PCDH9: variants seen among roughly 807,000 people sequenced by gnomAD.
The protein encoded by PCDH9 is protocadherin 9, also known as protocadherin-9.
In PCDH9, 24 loss-of-function variants were observed where a neutral mutation model predicts 70.6. That is an observed-to-expected ratio of 0.34 (90% CI 0.25 to 0.48). The LOEUF (loss-of-function observed/expected upper bound fraction) is 0.48. Ranked by LOEUF, PCDH9 falls within the 20% of genes least tolerant of loss-of-function variation. PCDH9 has a pLI of 0.99. For missense variants in PCDH9, 1,281 were observed against 1,503.6 expected (o/e 0.85, Z 2.45); for synonymous variants, 562 against 558.5 (o/e 1.01, Z -0.09).
At chr13:66,934,271 T>C (rs1443568712) in intron 2 of PCDH9, among the ~76,000 whole-genome samples, 2 of 151,970 alleles carry the variant, frequency 1.3e-5, no homozygotes, top group Admixed American at 1.3e-4. Context: ...GTGACTCCCA[T>C]CTGTAATCCC....
intron 4 of PCDH9, among the ~76,000 whole-genome samples, chr13:66,394,332 A>G (rs1322983098): frequency 2.0e-5 from 3 of 152,200 alleles, no homozygotes; most frequent in Non-Finnish European, 4.4e-5. Flanking sequence ...AACTTCTACT[A>G]TGTTTTCCAG....
intron 4 of PCDH9, among the ~76,000 whole-genome samples, chr13:66,411,645 G>GGATAGATAGATAGATAGATA (rs57986608): frequency 1.4e-4 from 21 of 151,020 alleles, no homozygotes; most frequent in African/African-American, 4.1e-4. Context: ...TATAGATGAT[G>GGATAGATAGATAGATAGATA]GATAGATAGA....
At chr13:67,170,208 T>C (rs545926286) in intron 2 of PCDH9, among the ~76,000 whole-genome samples, 14 of 152,330 alleles carry the variant, frequency 9.2e-5, no homozygotes, top group African/African-American at 3.1e-4. Flanking sequence ...TATTTGAATG[T>C]AATGCTTCAT....
intron 3 of PCDH9, among the ~76,000 whole-genome samples, chr13:66,731,932 T>C (rs1284696736): frequency 6.6e-6 from 1 of 151,990 alleles, no homozygotes; most frequent in East Asian, 1.9e-4. Context: ...CTGTTTATTT[T>C]TTGTGGACCA....
At chr13:66,892,645 A>G (rs1385130116) in intron 3 of PCDH9, among the ~76,000 whole-genome samples, 1 of 152,120 alleles carries the variant, frequency 6.6e-6, no homozygotes, top group African/African-American at 2.4e-5. Flanking sequence ...TCCCTTAAAA[A>G]AAAGATATTT....
intron 4 of PCDH9, among the ~76,000 whole-genome samples, chr13:66,589,264 A>T (rs2077007172): frequency 6.6e-6 from 1 of 152,078 alleles, no homozygotes; most frequent in African/African-American, 2.4e-5. Flanking sequence ...GAGCTCTTCA[A>T]TTACAACGAA....
intron 4 of PCDH9, among the ~76,000 whole-genome samples, chr13:66,536,909 CAT>C: frequency 6.6e-6 from 1 of 152,186 alleles, no homozygotes; most frequent in Middle Eastern, 3.4e-3. Context: ...GCATTCAACT[CAT>C]GAGTTTCCTA....
At chr13:66,558,128 C>T (rs972857861) in intron 4 of PCDH9, among the ~76,000 whole-genome samples, 2 of 152,084 alleles carry the variant, frequency 1.3e-5, no homozygotes, top group East Asian at 1.9e-4. Context: ...GCACTCCAGC[C>T]GGAACAACAG....
chr13:66,938,970 A>G (rs1477465946), intron 2 of PCDH9, among the ~76,000 whole-genome samples: 2 of 152,136 alleles, frequency 1.3e-5, no homozygotes, highest in East Asian at 3.8e-4. Context: ...ATTTATTTGT[A>G]TTGAAATATA....
At chr13:66,913,056 C>A (rs967500788) in intron 2 of PCDH9, among the ~76,000 whole-genome samples, 1 of 151,996 alleles carries the variant, frequency 6.6e-6, no homozygotes. Context: ...GTAATAAATT[C>A]GGAGATTCAA....
intron 4 of PCDH9, among the ~76,000 whole-genome samples, chr13:66,459,898 G>A (rs141470101): frequency 6.6e-6 from 1 of 151,810 alleles, no homozygotes; most frequent in Non-Finnish European, 1.5e-5. Flanking sequence ...GGAGATGTGC[G>A]ACTGTATTTC....
chr13:67,020,728 T>C (rs1313259084), intron 2 of PCDH9, among the ~76,000 whole-genome samples: 1 of 152,234 alleles, frequency 6.6e-6, no homozygotes, highest in Admixed American at 6.5e-5. Flanking sequence ...TAGCCAGTTA[T>C]AACATATCAT....
chr13:66,384,529 GT>G (rs1956897099), intron 4 of PCDH9, among the ~76,000 whole-genome samples: 1 of 152,118 alleles, frequency 6.6e-6, no homozygotes, highest in African/African-American at 2.4e-5. Context: ...TTTTGTATAT[GT>G]GTGGAGTAAG....
At chr13:67,011,201 AC>A (rs78565259) in intron 2 of PCDH9, among the ~76,000 whole-genome samples, 2 of 151,630 alleles carry the variant, frequency 1.3e-5, no homozygotes, top group African/African-American at 4.8e-5. Flanking sequence ...CGGAACTGTC[AC>A]CCCCCCAGTA....
chr13:66,993,304 A>G (rs758891488), intron 2 of PCDH9, among the ~76,000 whole-genome samples: 38 of 152,218 alleles, frequency 2.5e-4, no homozygotes, highest in Non-Finnish European at 5.1e-4. Flanking sequence ...TTTACCTGAT[A>G]TTTACTTGGG....
intron 4 of PCDH9, among the ~76,000 whole-genome samples, chr13:66,533,497 G>C (rs987658532): frequency 3.3e-5 from 5 of 151,882 alleles, no homozygotes; most frequent in Admixed American, 6.6e-5. Flanking sequence ...GTTATTTTTA[G>C]AGGAAAATTT....
chr13:66,714,377 A>G (rs1363279132), intron 3 of PCDH9, among the ~76,000 whole-genome samples: 4 of 151,728 alleles, frequency 2.6e-5, no homozygotes, highest in African/African-American at 9.7e-5. Flanking sequence ...AGGCAGGAGA[A>G]TGGAGTGAAC....
At chr13:67,185,740 T>A (rs1416253454) in intron 2 of PCDH9, among the ~76,000 whole-genome samples, 1 of 152,208 alleles carries the variant, frequency 6.6e-6, no homozygotes, top group Non-Finnish European at 1.5e-5. Flanking sequence ...TGTGTTTTTG[T>A]TTTTGTTTTG....
intron 3 of PCDH9, among the ~76,000 whole-genome samples, chr13:66,698,300 C>T (rs1274415443): frequency 1.3e-5 from 2 of 152,034 alleles, no homozygotes; most frequent in African/African-American, 2.4e-5. Context: ...TGTACCACAA[C>T]AAAAAAATAC....
Sources: gnomAD v4.1 joint callset for allele counts (sites outside exome capture counted in the v4.1 genomes callset) on GRCh38, gnomAD v4.1.1 for gene constraint, MANE v1.5 for transcripts, NCBI Gene and HGNC (gene_info 2026-07-23, HGNC 2026-07-21) for gene names.